Variants in CADM2 observed in about 807,000 individuals in gnomAD.
CADM2 encodes the protein immunoglobulin superfamily member 4D.
In CADM2, 12 loss-of-function variants were observed where a neutral mutation model predicts 49.8. That is an observed-to-expected ratio of 0.24 (90% confidence interval 0.15 to 0.39). The LOEUF is 0.39. Ranked by LOEUF, CADM2 falls within the 10% of genes least tolerant of loss-of-function variation. The pLI is 1.00. For missense variants in CADM2, 378 were observed against 492.3 expected (o/e 0.77, Z 2.20); for synonymous variants, 214 against 175.4 (o/e 1.22, Z -1.74).
intron 1 of CADM2, among the ~76,000 whole-genome samples, chr3:85,680,611 C>A (rs2066012885): frequency 6.6e-6 from 1 of 152,072 alleles, no homozygotes; most frequent in Non-Finnish European, 1.5e-5. Flanking sequence ...ATACACCCTG[C>A]AATAAAATTT....
chr3:85,579,133 A>T (rs2062723749), intron 1 of CADM2, among the ~76,000 whole-genome samples: 1 of 152,226 alleles, frequency 6.6e-6, no homozygotes, highest in South Asian at 2.1e-4. Context: ...AAGGAAACTA[A>T]TTAGCAAGAT....
chr3:85,417,744 C>T (rs2035978462), intron 1 of CADM2, among the ~76,000 whole-genome samples: 1 of 152,108 alleles, frequency 6.6e-6, no homozygotes, highest in Admixed American at 6.6e-5. Flanking sequence ...AGAAGTTGGA[C>T]TAGATTACTT....
intron 1 of CADM2, among the ~76,000 whole-genome samples, chr3:85,708,027 A>G (rs540771588): frequency 6.6e-6 from 1 of 152,294 alleles, no homozygotes; most frequent in East Asian, 1.9e-4. Flanking sequence ...AGATAGTTAT[A>G]GGAGTTTCTC....
At chr3:85,586,864 T>A (rs1336833129) in intron 1 of CADM2, among the ~76,000 whole-genome samples, 1 of 152,040 alleles carries the variant, frequency 6.6e-6, no homozygotes, top group African/African-American at 2.4e-5. Flanking sequence ...CACATTCTAG[T>A]GAGTAGGCCT....
intron 1 of CADM2, among the ~76,000 whole-genome samples, chr3:85,719,755 A>T (rs1259168783): frequency 6.6e-6 from 1 of 152,144 alleles, no homozygotes; most frequent in Non-Finnish European, 1.5e-5. Context: ...TGTATTGCTC[A>T]CGGGTCAACT....
intron 1 of CADM2, among the ~76,000 whole-genome samples, chr3:85,388,196 T>C (rs1250442131): frequency 2.6e-5 from 4 of 152,126 alleles, no homozygotes; most frequent in Admixed American, 2.0e-4. Flanking sequence ...GCCTGGCCAA[T>C]TTTATTTTTT....
intron 1 of CADM2, among the ~76,000 whole-genome samples, chr3:85,220,815 A>G (rs2042028217): frequency 6.6e-6 from 1 of 152,168 alleles, no homozygotes; most frequent in South Asian, 2.1e-4. Context: ...TAGAAAAAAA[A>G]AAATGGTTGT....
At chr3:84,960,921 A>G (rs1224276723) in intron 1 of CADM2, among the ~76,000 whole-genome samples, 1 of 152,112 alleles carries the variant, frequency 6.6e-6, no homozygotes, top group Non-Finnish European at 1.5e-5. Context: ...TGCTTTGAAG[A>G]GAATAGTATA....
intron 1 of CADM2, among the ~76,000 whole-genome samples, chr3:85,368,094 A>G (rs2032931696): frequency 6.6e-6 from 1 of 152,086 alleles, no homozygotes; most frequent in African/African-American, 2.4e-5. Context: ...TAGCAAAGAT[A>G]TCTTTCCAAT....
At chr3:85,766,472 T>C (rs1328636750) in intron 2 of CADM2, among the ~76,000 whole-genome samples, 1 of 152,146 alleles carries the variant, frequency 6.6e-6, no homozygotes, top group African/African-American at 2.4e-5. Context: ...TAAAGAATAA[T>C]ATTCTGCTCC....
intron 3 of CADM2, among the ~76,000 whole-genome samples, chr3:85,859,143 A>G (rs1479698237): frequency 1.4e-5 from 2 of 147,586 alleles, no homozygotes; most frequent in Non-Finnish European, 3.0e-5. Context: ...CACTAACCCT[A>G]TTGTCATTTT....
intron 1 of CADM2, among the ~76,000 whole-genome samples, chr3:85,451,721 A>G (rs1240591388): frequency 6.6e-6 from 1 of 152,134 alleles, no homozygotes; most frequent in Non-Finnish European, 1.5e-5. Context: ...CATAAGGCAG[A>G]TGCCTTTAAA....
chr3:85,223,055 G>A (rs1450422076), intron 1 of CADM2, among the ~76,000 whole-genome samples: 3 of 152,118 alleles, frequency 2.0e-5, no homozygotes, highest in Admixed American at 2.0e-4. Flanking sequence ...CAGTGTCTCC[G>A]CCTCAGCCAT....
chr3:85,371,124 A>G (rs576652348), intron 1 of CADM2, among the ~76,000 whole-genome samples: 47 of 152,290 alleles, frequency 3.1e-4, no homozygotes, highest in African/African-American at 1.0e-3. Context: ...CAATCAGCTA[A>G]GATTAATTTA....
At chr3:85,429,286 C>T (rs2036560715) in intron 1 of CADM2, among the ~76,000 whole-genome samples, 1 of 151,830 alleles carries the variant, frequency 6.6e-6, no homozygotes, top group African/African-American at 2.4e-5. Context: ...TATGATGCAA[C>T]AATACAACAT....
rs116077034 is a variant in CADM2 at position 85,049,216 on chromosome 3, G to A, written c.61+89548G>A. Among the ~76,000 whole-genome samples the A allele has an allele frequency of 3.7e-3, 555 of 151,990 alleles. 7 individuals are homozygous for A. Among genetic ancestry groups the A allele is most frequent in the African/African-American group, 0.013 (524 of 41,438 alleles). ...AGTAAAAATGAAGTCAAATTCCCTG[G>A]GTCTCATGAATTGAAAGTGAAGTAG... On this transcript the variant is annotated intron_variant, in intron 1 of 9. Coordinates refer to ENST00000383699, the MANE Select transcript of CADM2 (RefSeq NM_001167675.2).
chr3:85,199,373 G>GTGT (rs1469615927), intron 1 of CADM2, among the ~76,000 whole-genome samples: 4 of 143,322 alleles, frequency 2.8e-5, no homozygotes, highest in Admixed American at 7.1e-5. Flanking sequence ...GTGTGTATGA[G>GTGT]AGAGAGAGAG....
chr3:85,430,944 GA>G (rs1333542262), intron 1 of CADM2, among the ~76,000 whole-genome samples: 1 of 152,054 alleles, frequency 6.6e-6, no homozygotes, highest in Non-Finnish European at 1.5e-5. Flanking sequence ...GGAACGATGT[GA>G]TTATTTAATA....
intron 1 of CADM2, among the ~76,000 whole-genome samples, chr3:85,443,671 C>T (rs1035921227): frequency 1.3e-5 from 2 of 152,156 alleles, no homozygotes; most frequent in Non-Finnish European, 2.9e-5. Flanking sequence ...ACCTCCATGT[C>T]TTGACTTTAC....
Sources: allele counts gnomAD v4.1 joint callset (sites outside exome capture counted in the v4.1 genomes callset), GRCh38; gene constraint gnomAD v4.1.1; transcripts MANE v1.5; gene names NCBI Gene and HGNC (gene_info 2026-07-23, HGNC 2026-07-21).